SYNE1: variants seen among roughly 807,000 people sequenced by gnomAD.
The protein encoded by SYNE1 is nesprin-1.
SYNE1 carries 616 observed loss-of-function variants against 1,111.0 expected under a neutral mutation model. The observed-to-expected ratio is 0.55, with a 90% CI of 0.52 to 0.59. The LOEUF (loss-of-function observed/expected upper bound fraction) is 0.59. SYNE1 is among the 20% of genes least tolerant of loss of function. The pLI is 0.00. For synonymous variants in SYNE1, 3,855 were observed against 3,825.8 expected, an observed-to-expected ratio of 1.01 and a Z score of -0.28; for missense variants, 10,006 against 10,417.0, an observed-to-expected ratio of 0.96 and a Z score of 1.72.
chr6:152,348,090 G>A (rs1247866780), intron 72 of SYNE1, among the ~76,000 whole-genome samples: 4 of 152,010 alleles, frequency 2.6e-5, no homozygotes, highest in Non-Finnish European at 5.9e-5. Context: ...TTTAATTCTT[G>A]TAATATCTAA....
At chr6:152,321,968 T>G (rs1255541220) in intron 82 of SYNE1, 82 bp from the exon 83 acceptor site, 97 of 1,486,316 alleles carry the variant, frequency 6.5e-5, no homozygotes, top group Non-Finnish European at 8.2e-5. Flanking sequence ...CCAATACATA[T>G]ATAGAAATGG....
chr6:152,271,037 T>G lies in SYNE1; in HGVS notation c.18574-1751A>C, dbSNP rs184773223. On this transcript the variant is annotated intron_variant, in intron 98 of 145. Transcript: ENST00000367255. ...TACAGGTTGCTTCCACGGAGGAGCCTCCTGCCATCTATTTCTGGAGCTGCT... is the reference window on the plus strand; with the variant it reads ...TACAGGTTGCTTCCACGGAGGAGCCGCCTGCCATCTATTTCTGGAGCTGCT... Among the ~76,000 whole-genome samples the G allele has an allele frequency of 2.6e-3, 399 of 152,280 alleles. 1 individual carries two copies. The highest frequency in any genetic ancestry group is 9.0e-3 in the African/African-American group (372 of 41,552).
At chr6:152,457,022 A>G (rs1288609799) in intron 22 of SYNE1, among the ~76,000 whole-genome samples, 2 of 152,150 alleles carry the variant, frequency 1.3e-5, no homozygotes, top group African/African-American at 2.4e-5. Flanking sequence ...TATTTTAATT[A>G]TGGAAAGATT....
intron 6 of SYNE1, among the ~76,000 whole-genome samples, chr6:152,519,541 G>A (rs2154347362): frequency 6.6e-6 from 1 of 152,240 alleles, no homozygotes; most frequent in African/African-American, 2.4e-5. Flanking sequence ...GTCCCTACTG[G>A]AATAAATAAT....
chr6:152,511,228 G>C lies in SYNE1; in HGVS notation c.310-125C>G, dbSNP rs1353010629. On this transcript the variant is annotated intron_variant, in intron 6 of 145. Coordinates refer to ENST00000367255, the MANE Select transcript of SYNE1 (RefSeq NM_182961.4). ...ATCATGCCTATGTAATAGTACATGG[G>C]AGTAAGTAGAGTGAGGCACCGAAAC... 3.6e-6 allele frequency: 3 copies of C among 823,768 alleles called. No individual in the cohort carries two copies. The East Asian group carries it at 8.0e-5, about 22-fold the overall frequency. The allele number at this position is 823,768 out of a possible 1,614,324, so 51.0% of individuals were successfully genotyped here. A position where few individuals can be genotyped will look rare whatever the true frequency, so the allele number is the denominator to read the frequency against.
chr6:152,428,793 A>T (rs953631172), intron 36 of SYNE1, among the ~76,000 whole-genome samples: 3 of 152,128 alleles, frequency 2.0e-5, no homozygotes, highest in Admixed American at 2.0e-4. Context: ...TGTGCCCATG[A>T]TTTGCAGCAA....
intron 73 of SYNE1, among the ~76,000 whole-genome samples, chr6:152,346,671 G>A (rs1248164383): frequency 5.3e-5 from 8 of 151,864 alleles, no homozygotes; most frequent in Non-Finnish European, 1.0e-4. Flanking sequence ...TTAGCCAGGC[G>A]TGGTGGCGGG....
At chr6:152,488,074 C>A (rs201364171) in intron 12 of SYNE1, among the ~76,000 whole-genome samples, 200 of 132,866 alleles carry the variant, frequency 1.5e-3, no homozygotes, top group East Asian at 2.6e-3. Flanking sequence ...GACTCCGTCT[C>A]AAAAAAAAAA....
At chr6:152,156,530 C>T (rs2061403774) in intron 131 of SYNE1, among the ~76,000 whole-genome samples, 1 of 152,182 alleles carries the variant, frequency 6.6e-6, no homozygotes, top group South Asian at 2.1e-4. Context: ...ATATTGAATG[C>T]TGTAGTATTT....
At chr6:152,234,097 T>G in intron 111 of SYNE1, 134 bp from the exon 112 acceptor site, 2 of 967,642 alleles carry the variant, frequency 2.1e-6, no homozygotes, top group South Asian at 2.8e-5. Context: ...CAAAAGAAAA[T>G]GAAAGCAGTA....
At chr6:152,234,595 T>C (rs908323045) in intron 111 of SYNE1, 73 bp downstream of exon 111, 1 of 1,590,508 alleles carries the variant, frequency 6.3e-7, no homozygotes, top group African/African-American at 1.3e-5. Flanking sequence ...CCGGCCTGAC[T>C]TCTTTTCTAC....
At chr6:152,157,570 A>G (rs2061614914) in intron 131 of SYNE1, among the ~76,000 whole-genome samples, 1 of 152,216 alleles carries the variant, frequency 6.6e-6, no homozygotes, top group Non-Finnish European at 1.5e-5. Flanking sequence ...GAGAAATTGA[A>G]ACATTCCCAA....
intron 55 of SYNE1, among the ~76,000 whole-genome samples, chr6:152,383,829 T>C (rs2097472905): frequency 1.3e-5 from 2 of 152,212 alleles, no homozygotes; most frequent in Admixed American, 1.3e-4. Context: ...ACATTACTAC[T>C]ACCTGGCAGT....
At chr6:152,601,578 T>C (rs536293087) in intron 3 of SYNE1, among the ~76,000 whole-genome samples, 1 of 152,148 alleles carries the variant, frequency 6.6e-6, no homozygotes, top group Non-Finnish European at 1.5e-5. Flanking sequence ...GGCAGGCTGC[T>C]ATCCTGCTGA....
chr6:152,516,381 T>C (rs2099111858), intron 6 of SYNE1, among the ~76,000 whole-genome samples: 1 of 152,228 alleles, frequency 6.6e-6, no homozygotes, highest in South Asian at 2.1e-4. Context: ...TCCGTGAAAA[T>C]GGACATTGTG....
At chr6:152,353,092 C>G (rs2096770356) in intron 69 of SYNE1, among the ~76,000 whole-genome samples, 171 bp downstream of exon 69, 1 of 152,168 alleles carries the variant, frequency 6.6e-6, no homozygotes, top group Non-Finnish European at 1.5e-5. Context: ...TAAGTGAAAG[C>G]TAGCTTTTGG....
intron 24 of SYNE1, among the ~76,000 whole-genome samples, chr6:152,454,624 G>T (rs1384884568): frequency 6.6e-6 from 1 of 152,198 alleles, no homozygotes; most frequent in Non-Finnish European, 1.5e-5. Flanking sequence ...TATTACATAT[G>T]ACTAAGTCTC....
At chr6:152,585,421 A>G (rs2099534724) in intron 3 of SYNE1, among the ~76,000 whole-genome samples, 1 of 152,248 alleles carries the variant, frequency 6.6e-6, no homozygotes, top group South Asian at 2.1e-4. Flanking sequence ...TAGAAACAAA[A>G]TTACTGACTC....
chr6:152,344,331 C>T, intron 73 of SYNE1, 104 bp from the exon 74 acceptor site: 2 of 1,422,184 alleles, frequency 1.4e-6, no homozygotes, highest in Non-Finnish European at 1.9e-6. Context: ...ATGGATTTTC[C>T]CCCCAAGATT....
Sources: allele counts gnomAD v4.1 joint callset (sites outside exome capture counted in the v4.1 genomes callset), GRCh38; gene constraint gnomAD v4.1.1; transcripts MANE v1.5; gene names NCBI Gene and HGNC (gene_info 2026-07-23, HGNC 2026-07-21).